Variants in ZNF496 observed in about 807,000 individuals in gnomAD.
The protein encoded by ZNF496 is NSD1 (nuclear receptor binding SET-domain containing 1)-interacting zinc finger protein 1.
Under a neutral mutation model 58.9 loss-of-function variants are expected in ZNF496, and 11 were observed. The ratio of observed to expected loss-of-function variants is 0.19; its 90% confidence interval spans 0.12 to 0.31. The LOEUF (loss-of-function observed/expected upper bound fraction) is 0.31. ZNF496 is among the 10% of genes least tolerant of loss of function. ZNF496 has a pLI of 1.00. For missense variants in ZNF496, 660 were observed against 783.0 expected (o/e 0.84, Z 1.88); for synonymous variants, 338 against 318.2 (o/e 1.06, Z -0.66).
rs949678705 is a variant in ZNF496, at chr1:247,329,416, C to A, written c.163G>T (p.Gly55Cys). 6 of 1,612,966 alleles carry A rather than the reference C, an allele frequency of 3.7e-6. No individual in the cohort carries two copies. Among genetic ancestry groups the A allele is most frequent in the Non-Finnish European group, 5.1e-6 (6 of 1,179,700 alleles). Residue 55 changes from glycine to cysteine, a missense_variant, in exon 4 of 10, where the codon GGC becomes TGC. By Grantham distance (159) the Gly-to-Cys change is radical (BLOSUM62 -3). Transcript: ENST00000682384. The surrounding 1 kb of genome is among the most constrained non-coding windows in gnomAD (Gnocchi z 5.5). The stretch of plus-strand genomic sequence containing the variant: ...AGGCGCTGCAGGGCCTCCCGGGGGC[C>A]CGCCGCCTCCTGGTAGCGGAAACGG... The part of the protein sequence containing the change: ...FRRFRYQEAA[G>C]PREALQRLWD...
At position 247,321,070 on chromosome 1, in the gene ZNF496, G is replaced by A. The variant is rs948550303; in HGVS notation, c.651+2084C>T. Among the ~76,000 whole-genome samples the A allele has an allele frequency of 3.9e-5, 6 of 152,110 alleles. 1 individual carries two copies. Among genetic ancestry groups the A allele is most frequent in the Non-Finnish European group, 7.3e-5 (5 of 68,038 alleles). On this transcript the variant is annotated intron_variant, in intron 6 of 9. Coordinates refer to ENST00000682384, the MANE Select transcript of ZNF496 (RefSeq NM_032752.3). ...GGGTGCCTGTAATCCCAGCTACTCG[G>A]GAGGCTGAGGCAGGAGAATTGCTTG... is the stretch of plus-strand genomic sequence containing the variant.
At chr1:247,302,231 G>A (rs183189831) in intron 9 of ZNF496, among the ~76,000 whole-genome samples, 1 of 152,286 alleles carries the variant, frequency 6.6e-6, no homozygotes, top group African/African-American at 2.4e-5. Context: ...TGACTGTGGG[G>A]AGGAGAGCCC....
intron 5 of ZNF496, among the ~76,000 whole-genome samples, chr1:247,324,443 T>C (rs1356133547): frequency 6.6e-6 from 1 of 152,158 alleles, no homozygotes; most frequent in Admixed American, 6.6e-5. Flanking sequence ...ACTTGAAAAT[T>C]GCTAAGAGGG....
intron 6 of ZNF496, among the ~76,000 whole-genome samples, chr1:247,318,012 C>T (rs1476870421): frequency 1.3e-5 from 2 of 152,162 alleles, no homozygotes; most frequent in African/African-American, 2.4e-5. Context: ...TGTAAAGACA[C>T]AGAAAGTCTC....
Position 247,329,335 on chromosome 1 carries a change from G to A in ZNF496, c.244C>T (p.Leu82=), listed in dbSNP as rs766055835. Residue 82 remains leucine (L), a synonymous_variant, in exon 4 of 10, where the codon CTG becomes TTG. Coordinates refer to ENST00000682384, the MANE Select transcript of ZNF496 (RefSeq NM_032752.3). The surrounding 1 kb of genome is among the most constrained non-coding windows in gnomAD (Gnocchi z 5.5). ...RPERHTKEQI[L]ELLVLEQFLA... is the part of the protein sequence containing the mutation. The stretch of plus-strand genomic sequence containing the variant: ...AACTGCTCCAGCACCAGCAGCTCCA[G>A]AATCTGCTCCTTGGTGTGCCTCTCA... 10 of 1,613,538 alleles carry A rather than the reference G, an allele frequency of 6.2e-6. No homozygotes were observed. The highest frequency in any genetic ancestry group is 1.3e-5 in the African/African-American group (1 of 74,926).
chr1:247,300,506 C>A lies in ZNF496; in HGVS notation c.*13G>T. On this transcript the variant is annotated 3_prime_UTR_variant, in exon 10 of 10. Transcript: ENST00000682384. The surrounding 1 kb of genome is among the most constrained non-coding windows in gnomAD (Gnocchi z 5.7). ...AGCACCAGCCAGGGTGAGGCCGCCCCAGGCGGAGAGGCTCAGTAGGAGTTC... is the reference window on the plus strand; with the variant it reads ...AGCACCAGCCAGGGTGAGGCCGCCCAAGGCGGAGAGGCTCAGTAGGAGTTC... The A allele has an allele frequency of 1.3e-6, 2 of 1,590,686 alleles. No homozygotes were observed. Among genetic ancestry groups the A allele is most frequent in the Non-Finnish European group, 1.7e-6 (2 of 1,165,504 alleles).
intron 5 of ZNF496, among the ~76,000 whole-genome samples, chr1:247,323,689 G>C (rs1660029387): frequency 6.6e-6 from 1 of 151,876 alleles, no homozygotes; most frequent in Admixed American, 6.6e-5. Flanking sequence ...TTTGGGGACT[G>C]AGGTGGGAGA....
intron 9 of ZNF496, among the ~76,000 whole-genome samples, chr1:247,302,462 CAG>C (rs1659274782): frequency 1.8e-5 from 2 of 112,254 alleles, no homozygotes; most frequent in Non-Finnish European, 4.1e-5. Flanking sequence ...CAGATGAAGA[CAG>C]AGATTGTGTT....
Position 247,329,410 on chromosome 1 carries a change from G to A in ZNF496, c.169C>T (p.Arg57Trp), listed in dbSNP as rs765186900. 5.0e-6 allele frequency: 8 copies of A among 1,612,904 alleles called. No homozygotes were observed. The South Asian group carries it at 5.5e-5, about 11-fold the overall frequency. The change falls in exon 4 of 10, where the codon CGG (arginine) becomes TGG (tryptophan). Residue 57 changes from arginine to tryptophan, a missense_variant. By Grantham distance (101) the Arg-to-Trp change is moderately radical. Transcript: ENST00000682384. The surrounding 1 kb of genome is among the most constrained non-coding windows in gnomAD (Gnocchi z 5.5). Reference sequence around the variant, plus strand: ...TCCCAGAGGCGCTGCAGGGCCTCCCGGGGGCCCGCCGCCTCCTGGTAGCGG... The same window carrying A: ...TCCCAGAGGCGCTGCAGGGCCTCCCAGGGGCCCGCCGCCTCCTGGTAGCGG... The part of the protein sequence containing the change: ...RFRYQEAAGP[R>W]EALQRLWDLC...
intron 5 of ZNF496, among the ~76,000 whole-genome samples, chr1:247,324,866 C>T (rs1660074354): frequency 6.6e-6 from 1 of 152,144 alleles, no homozygotes; most frequent in African/African-American, 2.4e-5. Flanking sequence ...GCTTTGGGAC[C>T]ATCTCACCAG....
chr1:247,326,670 C>T (rs1259838076), intron 5 of ZNF496, among the ~76,000 whole-genome samples: 1 of 152,146 alleles, frequency 6.6e-6, no homozygotes, highest in African/African-American at 2.4e-5. Flanking sequence ...CTCTCAAATT[C>T]CTATGTTGAA....
In ZNF496 at chr1:247,309,582, G is replaced by C; in HGVS notation, c.892+117C>G. 1 of 1,488,472 alleles carries C rather than the reference G, an allele frequency of 6.7e-7. No homozygotes were observed. The highest frequency in any genetic ancestry group is 8.9e-7 in the Non-Finnish European group (1 of 1,118,722). 92.2% of individuals were successfully genotyped at this position (1,488,472 alleles called of 1,614,324 possible). A position where few individuals can be genotyped will look rare whatever the true frequency, so the allele number is the denominator to read the frequency against. On this transcript the variant is annotated intron_variant, in intron 8 of 9. Coordinates refer to ENST00000682384, the MANE Select transcript of ZNF496 (RefSeq NM_032752.3). This position sits in a 1 kb window ranked among gnomAD's most constrained non-coding sequence, Gnocchi z 4.3. ...GACATGCAAGACCCACATAGAGTCT[G>C]GGGAAATGAAGAAGGCAATTAGGGG... is the stretch of plus-strand genomic sequence containing the variant.
intron 6 of ZNF496, among the ~76,000 whole-genome samples, chr1:247,315,200 A>G (rs1312029891): frequency 6.6e-6 from 1 of 151,824 alleles, no homozygotes; most frequent in African/African-American, 2.4e-5. Flanking sequence ...AATTGTACAT[A>G]TGTATCCCAG....
rs1660242718 is a variant in ZNF496 at position 247,329,368 on chromosome 1, G to C, written c.211C>G (p.Leu71Val). ...TCCTTGGTGTGCCTCTCAGGCCGCA[G>C]CCAGCCCCCGCACAGGTCCCAGAGG... is the stretch of plus-strand genomic sequence containing the variant. ...QRLWDLCGGW[L>V]RPERHTKEQI... Residue 71 changes from leucine (L) to valine (V), a missense_variant, in exon 4 of 10, where the codon CTG becomes GTG. Coordinates refer to ENST00000682384, the MANE Select transcript of ZNF496 (RefSeq NM_032752.3). This position sits in a 1 kb window ranked among gnomAD's most constrained non-coding sequence, Gnocchi z 5.5. 1.2e-6 allele frequency: 2 copies of C among 1,613,370 alleles called. No homozygotes were observed. Among genetic ancestry groups the C allele is most frequent in the Non-Finnish European group, 1.7e-6 (2 of 1,179,936 alleles).
intron 9 of ZNF496, among the ~76,000 whole-genome samples, chr1:247,303,180 T>C (rs1659301929): frequency 6.6e-6 from 1 of 152,160 alleles, no homozygotes; most frequent in South Asian, 2.1e-4. Context: ...AGGAGGAGAC[T>C]GGAGGCAGAC....
chr1:247,302,679 C>T (rs1471186350), intron 9 of ZNF496, among the ~76,000 whole-genome samples: 1 of 151,992 alleles, frequency 6.6e-6, no homozygotes, highest in Non-Finnish European at 1.5e-5. Flanking sequence ...TCTTGGTTTT[C>T]GAGCTGCAGG....
chr1:247,303,259 T>C (rs1194705524), intron 9 of ZNF496, among the ~76,000 whole-genome samples: 1 of 152,204 alleles, frequency 6.6e-6, no homozygotes, highest in Non-Finnish European at 1.5e-5. Flanking sequence ...AGAAAGGCCT[T>C]GGAAGACACC....
At chr1:247,328,922 G>C (rs1479066290) in intron 4 of ZNF496, 56 bp from the exon 5 acceptor site, 1 of 1,531,366 alleles carries the variant, frequency 6.5e-7, no homozygotes, top group Non-Finnish European at 8.8e-7. Context: ...ATCTCTCCCT[G>C]GGCCTGGTGA....
intron 6 of ZNF496, among the ~76,000 whole-genome samples, chr1:247,317,322 AG>A (rs1415753691): frequency 1.3e-5 from 2 of 152,182 alleles, no homozygotes; most frequent in Non-Finnish European, 2.9e-5. Flanking sequence ...GACCAAAAAA[AG>A]CTCCAACAAA....
Sources: gnomAD v4.1 joint callset for allele counts (sites outside exome capture counted in the v4.1 genomes callset) on GRCh38, gnomAD v4.1.1 for gene constraint, Gnocchi (gnomAD v3.1) non-coding constraint, MANE v1.5 for transcripts, NCBI Gene and HGNC (gene_info 2026-07-23, HGNC 2026-07-21) for gene names.